Variants in GTF2E1 observed in about 807,000 individuals in gnomAD.
The protein encoded by GTF2E1 is TFIIE alpha subunit.
GTF2E1 carries 14 observed loss-of-function variants against 34.9 expected under a neutral mutation model. That is an observed-to-expected ratio of 0.40 (90% confidence interval 0.27 to 0.63). The LOEUF is 0.63. Among genes scored for constraint, GTF2E1 ranks in the 20% least tolerant of loss-of-function variants. The pLI is 0.39. For missense variants in GTF2E1, 469 were observed against 557.7 expected (o/e 0.84, Z 1.60); for synonymous variants, 188 against 192.9 (o/e 0.97, Z 0.21).
chr3:120,751,223 T>C (rs9838458), intron 2 of GTF2E1, among the ~76,000 whole-genome samples: 30,530 of 152,156 alleles, frequency 0.2, 3,564 homozygotes, highest in East Asian at 0.36. Flanking sequence ...TTCTCACTTA[T>C]GGCCCTCCTG....
At position 120,781,362 on chromosome 3, in the gene GTF2E1, C is replaced by T. The variant is rs778896559; in HGVS notation, c.1212C>T (p.Ser404=). The T allele has an allele frequency of 1.6e-5, 26 of 1,613,916 alleles. No homozygotes were observed. The East Asian group carries it at 4.9e-4, about 30-fold the overall frequency. ...TCATGGTGGCTGGCCGTCCGTTCTC[C>T]TACAGTGAAGTGAGCCAACGGCCAG... ...PIVMVAGRPF[S]YSEVSQRPEL... Residue 404 remains serine (S), a synonymous_variant, in exon 5 of 5, where the codon TCC becomes TCT. Transcript: ENST00000283875.
intron 2 of GTF2E1, among the ~76,000 whole-genome samples, chr3:120,753,754 T>TGG (rs1335293512): frequency 4.6e-5 from 7 of 152,230 alleles, no homozygotes; most frequent in African/African-American, 1.7e-4. Context: ...TTCAGTTTAC[T>TGG]ACTATTTCCT....
At chr3:120,758,177 T>C (rs1438235883) in intron 2 of GTF2E1, among the ~76,000 whole-genome samples, 2 of 152,002 alleles carry the variant, frequency 1.3e-5, no homozygotes, top group Non-Finnish European at 2.9e-5. Flanking sequence ...ATAAGTAATA[T>C]ATGAATGAAA....
Position 120,782,819 on chromosome 3 carries a change from C to T in GTF2E1, c.*1349C>T, listed in dbSNP as rs1203319292. The T allele has an allele frequency of 6.6e-6, 1 of 152,166 alleles. No individual in the cohort carries two copies. Among genetic ancestry groups the T allele is most frequent in the African/African-American group, 2.4e-5 (1 of 41,430 alleles). The allele number at this position is 152,166 out of a possible 1,614,324, so 9.4% of individuals were successfully genotyped here. ...CATTGAGCATTGTAACCTCAGGAAA[C>T]AGTTTATTTTGGGTTCTGATATGTA... On this transcript the variant is annotated 3_prime_UTR_variant, in exon 5 of 5. Coordinates refer to ENST00000283875, the MANE Select transcript of GTF2E1 (RefSeq NM_005513.3).
intron 2 of GTF2E1, among the ~76,000 whole-genome samples, chr3:120,754,083 A>T (rs2107606416): frequency 6.6e-6 from 1 of 152,306 alleles, no homozygotes; most frequent in East Asian, 1.9e-4. Flanking sequence ...GACCATTTAA[A>T]TAGACTTAAG....
intron 2 of GTF2E1, among the ~76,000 whole-genome samples, chr3:120,766,158 G>C (rs1323616829): frequency 6.6e-6 from 1 of 152,126 alleles, no homozygotes; most frequent in Admixed American, 6.5e-5. Flanking sequence ...AGAATTCCTT[G>C]TGTAACTTTA....
chr3:120,764,308 G>C (rs1709289008), intron 2 of GTF2E1, among the ~76,000 whole-genome samples: 1 of 152,120 alleles, frequency 6.6e-6, no homozygotes, highest in Admixed American at 6.5e-5. Context: ...GGCTGGACTT[G>C]GGAAGGCTGA....
At chr3:120,761,676 T>G (rs950596757) in intron 2 of GTF2E1, among the ~76,000 whole-genome samples, 3 of 152,224 alleles carry the variant, frequency 2.0e-5, no homozygotes, top group Non-Finnish European at 2.9e-5. Context: ...ATTTCATTAT[T>G]TACCCAGTAG....
chr3:120,758,484 C>G (rs1446347581), intron 2 of GTF2E1, among the ~76,000 whole-genome samples: 1 of 151,944 alleles, frequency 6.6e-6, no homozygotes, highest in Non-Finnish European at 1.5e-5. Context: ...AGGTTTGTTA[C>G]ATAGGTATAC....
rs770466409 is a variant in GTF2E1, at chr3:120,776,589, T to A, written c.817T>A (p.Ser273Thr). The stretch of plus-strand genomic sequence containing the variant: ...TCATCGAGCCTCACTGGAAGGGAAA[T>A]CTGCCAAAGAGAGGCCTATTTGGTT... ...DLHRASLEGK[S>T]AKERPIWLRE... Residue 273 changes from serine to threonine, a missense_variant, in exon 4 of 5, where the codon TCT becomes ACT. Physicochemically the swap from Ser to Thr is moderately conservative, Grantham distance 58 (BLOSUM62 1). Coordinates refer to ENST00000283875, the MANE Select transcript of GTF2E1 (RefSeq NM_005513.3). 1 of 1,613,758 alleles carries A rather than the reference T, an allele frequency of 6.2e-7. No homozygotes were observed. Among genetic ancestry groups the A allele is most frequent in the Non-Finnish European group, 8.5e-7 (1 of 1,179,788 alleles).
chr3:120,776,331 A>G (rs1280365442), intron 3 of GTF2E1, 92 bp from the exon 4 acceptor site: 5 of 1,088,598 alleles, frequency 4.6e-6, no homozygotes, highest in South Asian at 1.5e-5. Context: ...TACATGTAGT[A>G]TTTCAGTAAT....
chr3:120,754,292 A>C (rs1375603697), intron 2 of GTF2E1, among the ~76,000 whole-genome samples: 1 of 152,216 alleles, frequency 6.6e-6, no homozygotes, highest in Non-Finnish European at 1.5e-5. Flanking sequence ...CCATAATGCC[A>C]GAGACAAATT....
chr3:120,780,857 A>T (rs1319421997), intron 4 of GTF2E1, among the ~76,000 whole-genome samples, 186 bp from the exon 5 acceptor site: 1 of 152,224 alleles, frequency 6.6e-6, no homozygotes, highest in East Asian at 1.9e-4. Flanking sequence ...CTTGACCATT[A>T]TGCTACTTAA....
In GTF2E1 at chr3:120,776,441, T is replaced by A; in HGVS notation, c.669T>A (p.Thr223=). The change falls in exon 4 of 5, where the codon ACT becomes ACA. Residue 223 remains threonine (T), a synonymous_variant. Transcript: ENST00000283875. ...ALKQSKDHAA[T]TAGAASLAGG... ...TATATAGCAAGGACCATGCAGCAAC[T>A]ACTGCTGGAGCTGCTAGCCTAGCAG... is the stretch of plus-strand genomic sequence containing the variant. 1 of 1,613,334 alleles carries A rather than the reference T, an allele frequency of 6.2e-7. No individual in the cohort carries two copies. Among genetic ancestry groups the A allele is most frequent in the South Asian group, 1.1e-5 (1 of 91,058 alleles).
rs1056500974 is a variant in GTF2E1, at chr3:120,782,330, T to C, written c.*860T>C. The C allele has an allele frequency of 2.0e-5, 3 of 152,214 alleles. No homozygotes were observed. Among genetic ancestry groups the C allele is most frequent in the South Asian group, 2.1e-4 (1 of 4,836 alleles). 9.4% of individuals were successfully genotyped at this position (152,214 alleles called of 1,614,324 possible). A position where few individuals can be genotyped will look rare whatever the true frequency, so the allele number is the denominator to read the frequency against. On this transcript the variant is annotated 3_prime_UTR_variant, in exon 5 of 5. Coordinates refer to ENST00000283875, the MANE Select transcript of GTF2E1 (RefSeq NM_005513.3). ...GGGGGAGAGATATACTTGAGTCTTATGATTAATGTCTAAACCAGAATTTGT... is the reference window on the plus strand; with the variant it reads ...GGGGGAGAGATATACTTGAGTCTTACGATTAATGTCTAAACCAGAATTTGT...
At chr3:120,759,325 A>C (rs1709236981) in intron 2 of GTF2E1, among the ~76,000 whole-genome samples, 1 of 152,024 alleles carries the variant, frequency 6.6e-6, no homozygotes, top group South Asian at 2.1e-4. Flanking sequence ...TTCTTTGTAG[A>C]TTCTGGTTAT....
At chr3:120,779,772 A>G (rs985728082) in intron 4 of GTF2E1, among the ~76,000 whole-genome samples, 1 of 152,246 alleles carries the variant, frequency 6.6e-6, no homozygotes, top group East Asian at 1.9e-4. Flanking sequence ...TGAAGTAAAT[A>G]CTATTTTCCC....
chr3:120,764,632 A>C (rs551500864), intron 2 of GTF2E1, among the ~76,000 whole-genome samples: 7 of 152,356 alleles, frequency 4.6e-5, no homozygotes, highest in African/African-American at 1.7e-4. Flanking sequence ...AGAGAAAAAT[A>C]TAATGCTAAG....
At chr3:120,751,698 A>G (rs1477312763) in intron 2 of GTF2E1, among the ~76,000 whole-genome samples, 1 of 152,190 alleles carries the variant, frequency 6.6e-6, no homozygotes, top group Non-Finnish European at 1.5e-5. Context: ...TGAGTTATAT[A>G]GTTATTTTAT....
Sources: gnomAD v4.1 joint callset for allele counts (sites outside exome capture counted in the v4.1 genomes callset) on GRCh38, gnomAD v4.1.1 for gene constraint, MANE v1.5 for transcripts, NCBI Gene and HGNC (gene_info 2026-07-23, HGNC 2026-07-21) for gene names.